Variants in DMD observed in about 807,000 individuals in gnomAD.
DMD encodes the protein dystrophin.
In DMD, 63 loss-of-function variants were observed where a neutral mutation model predicts 330.1. The observed-to-expected ratio is 0.19, with a 90% CI of 0.16 to 0.24. The LOEUF is 0.24. Among genes scored for constraint, DMD ranks in the 10% least tolerant of loss-of-function variants. The pLI is 1.00. For synonymous variants in DMD, 1,223 were observed against 959.8 expected (o/e 1.27, Z -5.07); for missense variants, 3,344 against 2,684.1 (o/e 1.25, Z -5.43).
At chrX:31,849,240 A>C (rs188493377) in intron 48 of DMD, among the ~76,000 whole-genome samples, 7 of 104,961 alleles carry the variant, frequency 6.7e-5, no homozygotes, top group Non-Finnish European at 9.7e-5. Context: ...TTATTTATTT[A>C]TTTGCTCATT....
chrX:32,046,339 C>T (rs144223097), intron 44 of DMD, among the ~76,000 whole-genome samples: 1,140 of 112,301 alleles, frequency 0.01, 6 homozygotes, highest in Non-Finnish European at 0.014. Flanking sequence ...CATTCATTAC[C>T]CTTCTCCTCA....
intron 7 of DMD, among the ~76,000 whole-genome samples, chrX:32,777,795 A>G (rs932609024): frequency 8.9e-6 from 1 of 112,649 alleles, no homozygotes; most frequent in African/African-American, 3.2e-5. Context: ...TATCTTAAGG[A>G]TGGCAACAGT....
At chrX:31,954,561 A>G (rs906045910) in intron 45 of DMD, among the ~76,000 whole-genome samples, 2 of 111,727 alleles carry the variant, frequency 1.8e-5, no homozygotes, top group Admixed American at 9.6e-5. Flanking sequence ...TCAGCCATAC[A>G]AAGGGTGAAA....
intron 65 of DMD, among the ~76,000 whole-genome samples, chrX:31,208,470 C>A (rs1290632571): frequency 8.9e-6 from 1 of 111,864 alleles, no homozygotes. Flanking sequence ...TGAGGGGAAA[C>A]CTGAATACAA....
intron 1 of DMD, among the ~76,000 whole-genome samples, chrX:33,312,668 A>G (rs186302476): frequency 8.9e-6 from 1 of 111,925 alleles, no homozygotes; most frequent in East Asian, 2.8e-4. Context: ...GAGAAATACA[A>G]TGATAGATTT....
chrX:33,181,826 C>T (rs1409556920), intron 1 of DMD, among the ~76,000 whole-genome samples: 1 of 112,010 alleles, frequency 8.9e-6, no homozygotes, highest in Non-Finnish European at 1.9e-5. Context: ...AAGAAAACCT[C>T]TCAGCAGATT....
At chrX:31,350,624 TGTGTGTGTGAGAGAGAGA>T (rs1480703869) in intron 60 of DMD, among the ~76,000 whole-genome samples, 2 of 48,277 alleles carry the variant, frequency 4.1e-5, no homozygotes, top group African/African-American at 1.7e-4. Flanking sequence ...TGTGTGTGTG[TGTGTGTGTGAGAGAGAGA>T]GAGAGAGAGA....
At chrX:32,328,503 C>G (rs1454070332) in intron 41 of DMD, among the ~76,000 whole-genome samples, 1 of 111,085 alleles carries the variant, frequency 9.0e-6, no homozygotes, top group Non-Finnish European at 1.9e-5. Context: ...TGTTATGGGG[C>G]CAGTACTGCT....
intron 7 of DMD, among the ~76,000 whole-genome samples, chrX:32,730,919 G>A (rs776653784): frequency 3.7e-4 from 41 of 111,775 alleles, no homozygotes; most frequent in African/African-American, 9.8e-4. Flanking sequence ...CAAGATGGCC[G>A]AATAGGAACA....
intron 44 of DMD, among the ~76,000 whole-genome samples, chrX:32,184,486 G>T (rs2096938469): frequency 9.0e-6 from 1 of 111,189 alleles, no homozygotes; most frequent in Non-Finnish European, 1.9e-5. Context: ...AGAAACGGAA[G>T]GAATTGTATT....
intron 62 of DMD, among the ~76,000 whole-genome samples, chrX:31,308,469 C>T (rs769670634): frequency 1.2e-4 from 13 of 111,834 alleles, no homozygotes; most frequent in African/African-American, 4.2e-4. Flanking sequence ...GCTAAAAAAT[C>T]GCTTCCAAAT....
chrX:32,555,345 G>T (rs1375633582), intron 16 of DMD, among the ~76,000 whole-genome samples: 1 of 111,202 alleles, frequency 9.0e-6, no homozygotes, highest in Non-Finnish European at 1.9e-5. Context: ...ATCCAAATGG[G>T]CAAAAGCTAG....
intron 44 of DMD, among the ~76,000 whole-genome samples, chrX:32,024,371 G>A (rs927526231): frequency 9.2e-6 from 1 of 108,485 alleles, no homozygotes; most frequent in Non-Finnish European, 1.9e-5. Context: ...TATTATCCCA[G>A]GTACTTCGGA....
chrX:31,273,063 GCA>G (rs888716648), intron 62 of DMD, among the ~76,000 whole-genome samples: 1 of 111,508 alleles, frequency 9.0e-6, no homozygotes, highest in Non-Finnish European at 1.9e-5. Flanking sequence ...CTTAGGAAAG[GCA>G]CAGAGTCTAT....
chrX:31,316,450 C>T lies in DMD; in HGVS notation c.9224+7148G>A, dbSNP rs6628592. ...TCCTCCTGGAGTCTGTTATTTCAGT[C>T]AAGGTGATACAAATCAGCTTATGAA... On this transcript the variant is annotated intron_variant, in intron 62 of 78. Coordinates refer to ENST00000357033, the MANE Select transcript of DMD (RefSeq NM_004006.3). Among the ~76,000 whole-genome samples, 1,112 of 111,434 alleles carry T rather than the reference C, an allele frequency of 1.0e-2. 22 individuals carry two copies. The highest frequency in any genetic ancestry group is 0.035 in the African/African-American group (1,074 of 30,639).
intron 1 of DMD, among the ~76,000 whole-genome samples, chrX:33,096,044 G>A (rs369997699): frequency 7.6e-5 from 7 of 91,702 alleles, no homozygotes; most frequent in South Asian, 1.1e-3. Context: ...GTGCGATCTC[G>A]GCTCACTGCA....
intron 16 of DMD, among the ~76,000 whole-genome samples, chrX:32,555,497 A>G (rs1179687065): frequency 1.8e-5 from 2 of 111,489 alleles, no homozygotes. Flanking sequence ...GAGGAAGTCA[A>G]ATTATTTTTG....
intron 65 of DMD, among the ~76,000 whole-genome samples, chrX:31,207,102 C>G (rs981563566): frequency 6.3e-5 from 7 of 111,808 alleles, no homozygotes; most frequent in African/African-American, 2.3e-4. Context: ...AAATTACCAG[C>G]AACTAACTGC....
intron 13 of DMD, chrX:32,583,538 T>A (rs2053894545): frequency 8.9e-6 from 1 of 111,909 alleles, no homozygotes; most frequent in Admixed American, 9.5e-5. Flanking sequence ...GTCATAATGC[T>A]ATAGTAATTA....
Sources: gnomAD v4.1 joint callset for allele counts (sites outside exome capture counted in the v4.1 genomes callset) on GRCh38, gnomAD v4.1.1 for gene constraint, MANE v1.5 for transcripts, NCBI Gene and HGNC (gene_info 2026-07-23, HGNC 2026-07-21) for gene names.